Variants in VPS53 observed in about 807,000 individuals in gnomAD.
The protein encoded by VPS53 is VPS53 subunit of GARP complex, also known as vacuolar protein sorting-associated protein 53 homolog.
In VPS53, 70 loss-of-function variants were observed where a neutral mutation model predicts 107.0. The observed-to-expected ratio is 0.65, with a 90% CI of 0.54 to 0.80. The LOEUF is 0.80. Among genes scored for constraint, VPS53 ranks in the 30% least tolerant of loss-of-function variants. VPS53 has a pLI of 0.00. For missense variants in VPS53, 917 were observed against 1,049.4 expected (o/e 0.87, Z 1.74); for synonymous variants, 409 against 393.3 (o/e 1.04, Z -0.47).
At chr17:564,807 G>T (rs546050358) in intron 13 of VPS53, among the ~76,000 whole-genome samples, 3 of 152,054 alleles carry the variant, frequency 2.0e-5, no homozygotes, top group Non-Finnish European at 2.9e-5. Context: ...ATTTTTCTCC[G>T]ATTTCCCATT....
At chr17:559,980 T>C (rs184952462) in intron 15 of VPS53, among the ~76,000 whole-genome samples, 1 of 152,338 alleles carries the variant, frequency 6.6e-6, no homozygotes, top group Admixed American at 6.5e-5. Flanking sequence ...AGATTGAAAA[T>C]GCCATGTAAA....
At chr17:621,190 C>G (rs1001221156) in intron 11 of VPS53, among the ~76,000 whole-genome samples, 11 of 152,140 alleles carry the variant, frequency 7.2e-5, no homozygotes, top group African/African-American at 2.4e-4. Context: ...ATGCTTTTTA[C>G]TTTTTCCATA....
At chr17:529,233 G>A (rs1375380687) in intron 19 of VPS53, among the ~76,000 whole-genome samples, 2 of 152,102 alleles carry the variant, frequency 1.3e-5, no homozygotes, top group East Asian at 3.9e-4. Flanking sequence ...TGGCCTCTTT[G>A]TCCCTGGGGC....
intron 11 of VPS53, 96 bp downstream of exon 11, chr17:623,437 C>T (rs1224259530): frequency 2.5e-5 from 36 of 1,443,248 alleles, no homozygotes; most frequent in Non-Finnish European, 3.3e-5. Context: ...GGTTAAGCAC[C>T]GAAGCCAATG....
At chr17:671,221 A>G (rs760207672) in intron 4 of VPS53, among the ~76,000 whole-genome samples, 3 of 108,186 alleles carry the variant, frequency 2.8e-5, no homozygotes, top group Non-Finnish European at 5.8e-5. Context: ...ACAGAGTGAG[A>G]CGGAGAAAGA....
chr17:696,346 G>A (rs1972958228), intron 4 of VPS53, among the ~76,000 whole-genome samples: 1 of 152,206 alleles, frequency 6.6e-6, no homozygotes, highest in African/African-American at 2.4e-5. Context: ...AAATATCAGA[G>A]ATCTGGAAAT....
intron 2 of VPS53, among the ~76,000 whole-genome samples, chr17:708,409 C>G (rs1973499575): frequency 6.6e-6 from 1 of 152,196 alleles, no homozygotes; most frequent in Non-Finnish European, 1.5e-5. Context: ...AGATCAAAGA[C>G]TTTAACACTT....
intron 2 of VPS53, among the ~76,000 whole-genome samples, chr17:706,930 G>A (rs983726123): frequency 2.0e-5 from 3 of 152,010 alleles, no homozygotes; most frequent in Admixed American, 6.6e-5. Context: ...TCCCTTGCTC[G>A]TCCTCCACAT....
intron 7 of VPS53, among the ~76,000 whole-genome samples, chr17:650,997 C>G (rs546455215): frequency 6.6e-6 from 1 of 152,150 alleles, no homozygotes; most frequent in East Asian, 1.9e-4. Context: ...CAAAACAAAG[C>G]AAAAACAAAG....
chr17:624,101 G>A (rs985443503), intron 10 of VPS53, among the ~76,000 whole-genome samples: 4 of 151,238 alleles, frequency 2.6e-5, no homozygotes, highest in African/African-American at 7.3e-5. Context: ...CAAGAGATCC[G>A]CCCACCTCGG....
At chr17:583,851 G>C (rs1967178588) in intron 13 of VPS53, among the ~76,000 whole-genome samples, 3 of 145,522 alleles carry the variant, frequency 2.1e-5, no homozygotes, top group South Asian at 4.5e-4. Context: ...CGTTCCCAGA[G>C]AACTTCCCTC....
At position 533,125 on chromosome 17, in the gene VPS53, C is replaced by T; in HGVS notation, c.2016-214G>A. 8.4e-6 allele frequency: 6 copies of T among 718,212 alleles called. No individual in the cohort carries two copies. In the South Asian group the frequency reaches 1.2e-4, roughly 14 times the overall value. 44.5% of individuals were successfully genotyped at this position (718,212 alleles called of 1,614,324 possible). ...CCTGGCAGGCCCGGGAAAACCGGAT[C>T]CCATCCTAGACTCCCAGTGAACTCT... On this transcript the variant is annotated intron_variant, in intron 18 of 21. Coordinates refer to ENST00000437048, the MANE Select transcript of VPS53 (RefSeq NM_001128159.3).
At chr17:552,037 A>T (rs915324879) in intron 16 of VPS53, 87 bp from the exon 17 acceptor site, 16 of 1,286,164 alleles carry the variant, frequency 1.2e-5, no homozygotes, top group Non-Finnish European at 1.5e-5. Context: ...TAAAAATCAG[A>T]TTCATCATTT....
chr17:689,780 C>A (rs1489537603), intron 4 of VPS53, among the ~76,000 whole-genome samples: 1 of 152,072 alleles, frequency 6.6e-6, no homozygotes, highest in Non-Finnish European at 1.5e-5. Flanking sequence ...GGCCTATTTT[C>A]GTTCTAATGC....
intron 5 of VPS53, among the ~76,000 whole-genome samples, chr17:658,010 G>A (rs1268800928): frequency 8.9e-6 from 1 of 112,486 alleles, no homozygotes; most frequent in Non-Finnish European, 1.8e-5. Flanking sequence ...ACTCGGCCGT[G>A]AGTTCGTGGA....
In VPS53 at chr17:661,819, G is replaced by A; in HGVS notation, c.362C>T (p.Ser121Leu). Residue 121 changes from serine to leucine, a missense_variant, in exon 5 of 22, where the codon TCA becomes TTA. Physicochemically the swap from Ser to Leu is moderately radical, Grantham distance 145 (BLOSUM62 -2). Transcript: ENST00000437048. ...IKDIKDKAEK[S>L]EQMVKEITRD... ...GAAACCAGAACTCACCATTTGCTCT[G>A]ATTTTTCAGCTTTGTCTTTGATATC... 6.4e-7 allele frequency: 1 copy of A among 1,552,170 alleles called. No homozygotes were observed. Among genetic ancestry groups the A allele is most frequent in the South Asian group, 1.2e-5 (1 of 84,048 alleles).
intron 12 of VPS53, among the ~76,000 whole-genome samples, chr17:598,711 GAC>G: frequency 8.3e-6 from 1 of 119,886 alleles, no homozygotes; most frequent in South Asian, 2.9e-4. Context: ...GAAGTGAGGA[GAC>G]CCTCTGCCCG....
chr17:585,055 C>A (rs1967240710), intron 13 of VPS53, among the ~76,000 whole-genome samples: 1 of 152,064 alleles, frequency 6.6e-6, no homozygotes, highest in African/African-American at 2.4e-5. Context: ...AATGAGTGGG[C>A]AAAAGTTTGA....
At chr17:563,887 T>A (rs1913248730) in intron 13 of VPS53, among the ~76,000 whole-genome samples, 1 of 152,268 alleles carries the variant, frequency 6.6e-6, no homozygotes, top group Non-Finnish European at 1.5e-5. Flanking sequence ...TTATAATGGT[T>A]TCTTTCTCCT....
Sources: gnomAD v4.1 joint callset for allele counts (sites outside exome capture counted in the v4.1 genomes callset) on GRCh38, gnomAD v4.1.1 for gene constraint, MANE v1.5 for transcripts, NCBI Gene and HGNC (gene_info 2026-07-23, HGNC 2026-07-21) for gene names.